Variants in HOATZ observed in about 807,000 individuals in gnomAD.
The protein encoded by HOATZ is HOATZ cilia and flagella associated protein, also known as cilia- and flagella-associated protein HOATZ.
A neutral mutation model predicts 24.9 loss-of-function variants in HOATZ; 26 were observed. The observed-to-expected ratio is 1.04, with a 90% CI of 0.76 to 1.45. The LOEUF (loss-of-function observed/expected upper bound fraction) is 1.45. Among genes scored for constraint, HOATZ ranks in the 40% most tolerant of loss-of-function variants. HOATZ has a pLI of 0.00. For missense variants in HOATZ, 226 were observed against 201.5 expected (o/e 1.12, Z -0.74); for synonymous variants, 83 against 76.6 (o/e 1.08, Z -0.43).
At chr11:111,536,744 G>C in intron 5 of HOATZ, 26 bp from the exon 6 acceptor site, 1 of 1,587,372 alleles carries the variant, frequency 6.3e-7, no homozygotes, top group Non-Finnish European at 8.7e-7. Context: ...CTGTGTATTG[G>C]AACTGACTGA....
intron 3 of HOATZ, among the ~76,000 whole-genome samples, chr11:111,522,943 G>A (rs1056845008): frequency 6.6e-6 from 1 of 152,140 alleles, no homozygotes; most frequent in African/African-American, 2.4e-5. Context: ...AAATTAGCTG[G>A]GCGTGGTGGT....
At chr11:111,517,556 C>A (rs538346204) in intron 3 of HOATZ, among the ~76,000 whole-genome samples, 11 of 152,220 alleles carry the variant, frequency 7.2e-5, no homozygotes, top group East Asian at 1.9e-4. Flanking sequence ...TTATTGAGAA[C>A]CTGCAAGTAC....
intron 3 of HOATZ, among the ~76,000 whole-genome samples, chr11:111,517,888 T>C (rs991826011): frequency 5.3e-5 from 8 of 152,144 alleles, no homozygotes; most frequent in African/African-American, 1.4e-4. Context: ...GCTTTTTTTT[T>C]CCCCATGGCT....
intron 3 of HOATZ, among the ~76,000 whole-genome samples, chr11:111,522,438 A>C (rs1445124372): frequency 6.6e-6 from 1 of 152,226 alleles, no homozygotes; most frequent in African/African-American, 2.4e-5. Flanking sequence ...GGCACATCTG[A>C]AATTAAAGCC....
At chr11:111,517,830 G>A (rs918464922) in intron 3 of HOATZ, among the ~76,000 whole-genome samples, 1 of 152,176 alleles carries the variant, frequency 6.6e-6, no homozygotes, top group Non-Finnish European at 1.5e-5. Context: ...CCCTCACAAT[G>A]TATTAGTTGT....
chr11:111,523,463 C>T (rs1867294858), intron 3 of HOATZ, among the ~76,000 whole-genome samples: 1 of 152,078 alleles, frequency 6.6e-6, no homozygotes, highest in Non-Finnish European at 1.5e-5. Context: ...AGCATTATGA[C>T]CAGCGGCTGG....
intron 3 of HOATZ, among the ~76,000 whole-genome samples, chr11:111,529,172 G>A (rs1045319336): frequency 6.6e-6 from 1 of 151,464 alleles, no homozygotes; most frequent in Non-Finnish European, 1.5e-5. Context: ...ACCCATGATT[G>A]AAAAATAAAA....
At chr11:111,536,747 C>G in intron 5 of HOATZ, 23 bp from the exon 6 acceptor site, 1 of 1,595,714 alleles carries the variant, frequency 6.3e-7, no homozygotes, top group Non-Finnish European at 8.6e-7. Flanking sequence ...TGTATTGGAA[C>G]TGACTGATAT....
At chr11:111,535,601 C>T (rs907906543) in intron 5 of HOATZ, 2 of 152,182 alleles carry the variant, frequency 1.3e-5, no homozygotes, top group Non-Finnish European at 2.9e-5. Flanking sequence ...CATCCTGAAG[C>T]CTTGAATTTC....
intron 3 of HOATZ, among the ~76,000 whole-genome samples, chr11:111,517,548 A>T (rs1867219557): frequency 6.6e-6 from 1 of 152,210 alleles, no homozygotes; most frequent in Non-Finnish European, 1.5e-5. Context: ...ACAGATATTT[A>T]TTGAGAACCT....
At chr11:111,521,071 A>T (rs932965665) in intron 3 of HOATZ, among the ~76,000 whole-genome samples, 2 of 152,304 alleles carry the variant, frequency 1.3e-5, no homozygotes, top group South Asian at 2.1e-4. Context: ...AATGAAATTC[A>T]TGCTGCAGCC....
At chr11:111,527,175 C>T (rs377692589) in intron 3 of HOATZ, among the ~76,000 whole-genome samples, 3 of 152,128 alleles carry the variant, frequency 2.0e-5, no homozygotes, top group African/African-American at 7.2e-5. Context: ...CATGCATGTA[C>T]GTTCTTCAGG....
chr11:111,534,560 T>C (rs2135782995), intron 5 of HOATZ, 96 bp downstream of exon 5: 1 of 957,560 alleles, frequency 1.0e-6, no homozygotes, highest in Non-Finnish European at 1.7e-6. Flanking sequence ...CCCTTAAATC[T>C]TCTAGAAACC....
At chr11:111,521,209 G>A (rs1192614407) in intron 3 of HOATZ, among the ~76,000 whole-genome samples, 1 of 151,806 alleles carries the variant, frequency 6.6e-6, no homozygotes, top group Non-Finnish European at 1.5e-5. Flanking sequence ...ATACCTACTT[G>A]TATTGAAATG....
intron 3 of HOATZ, chr11:111,518,913 G>C (rs1448319956): frequency 2.4e-6 from 1 of 412,288 alleles, no homozygotes; most frequent in African/African-American, 2.0e-5. Context: ...TCTTCTCTGT[G>C]CTCCCACGGC....
chr11:111,521,477 T>G (rs899330338), intron 3 of HOATZ, among the ~76,000 whole-genome samples: 1 of 152,216 alleles, frequency 6.6e-6, no homozygotes, highest in Non-Finnish European at 1.5e-5. Flanking sequence ...TGATAGGGAT[T>G]GGCTTCCGAG....
intron 3 of HOATZ, among the ~76,000 whole-genome samples, chr11:111,525,238 A>T (rs145127184): frequency 6.6e-6 from 1 of 152,346 alleles, no homozygotes; most frequent in East Asian, 1.9e-4. Context: ...GAAAAACCCT[A>T]TAAGTTATTT....
chr11:111,534,008 T>C (rs764186771), intron 4 of HOATZ, among the ~76,000 whole-genome samples: 5 of 152,234 alleles, frequency 3.3e-5, no homozygotes, highest in Non-Finnish European at 7.3e-5. Context: ...TTTGCAGCCC[T>C]CCTGGCATAA....
At chr11:111,536,526 T>A (rs1867452242) in intron 5 of HOATZ, 7 of 333,696 alleles carry the variant, frequency 2.1e-5, no homozygotes, top group East Asian at 9.3e-5. Flanking sequence ...ATCTCAGGAG[T>A]CTGACTCTAG....
Sources: gnomAD v4.1 joint callset for allele counts (sites outside exome capture counted in the v4.1 genomes callset) on GRCh38, gnomAD v4.1.1 for gene constraint, MANE v1.5 for transcripts, NCBI Gene and HGNC (gene_info 2026-07-23, HGNC 2026-07-21) for gene names.